Variants in PDE7B observed in about 807,000 individuals in gnomAD.
The protein encoded by PDE7B is 3',5'-cyclic-AMP phosphodiesterase 7B.
In PDE7B, 29 loss-of-function variants were observed where a neutral mutation model predicts 56.2. The observed-to-expected ratio is 0.52, with a 90% CI of 0.38 to 0.70. The LOEUF (loss-of-function observed/expected upper bound fraction) is 0.70. PDE7B is among the 30% of genes least tolerant of loss of function. The pLI is 0.00. For missense variants in PDE7B, 490 were observed against 565.0 expected (o/e 0.87, Z 1.35); for synonymous variants, 197 against 196.9 (o/e 1.00, Z 0.00).
intron 1 of PDE7B, among the ~76,000 whole-genome samples, chr6:135,935,186 T>TTATATATATATA (rs1368098258): frequency 1.6e-4 from 6 of 38,448 alleles, no homozygotes; most frequent in African/African-American, 8.9e-4. Flanking sequence ...ATATATATAT[T>TTATATATATATA]TATTTATATA....
chr6:136,178,032 CCATAT>C (rs1455873895), intron 9 of PDE7B, among the ~76,000 whole-genome samples: 3 of 152,132 alleles, frequency 2.0e-5, no homozygotes, highest in Non-Finnish European at 2.9e-5. Context: ...CTGATACATA[CCATAT>C]AACTTAAAGT....
At chr6:136,100,013 C>G (rs1158552246) in intron 2 of PDE7B, among the ~76,000 whole-genome samples, 1 of 152,164 alleles carries the variant, frequency 6.6e-6, no homozygotes, top group East Asian at 1.9e-4. Flanking sequence ...TTTCCCAGCA[C>G]TATTTATTAA....
At chr6:135,885,607 G>A (rs1292870904) in intron 1 of PDE7B, among the ~76,000 whole-genome samples, 1 of 152,140 alleles carries the variant, frequency 6.6e-6, no homozygotes, top group Non-Finnish European at 1.5e-5. Flanking sequence ...CTGCTATTAA[G>A]TGTAACCCCA....
chr6:136,110,808 G>T (rs1777735044), intron 3 of PDE7B, among the ~76,000 whole-genome samples: 1 of 149,168 alleles, frequency 6.7e-6, no homozygotes, highest in Non-Finnish European at 1.5e-5. Flanking sequence ...GAAACTCATT[G>T]CAGATAATAA....
intron 2 of PDE7B, among the ~76,000 whole-genome samples, chr6:135,983,419 G>A (rs1360815260): frequency 1.3e-5 from 2 of 152,144 alleles, no homozygotes; most frequent in African/African-American, 4.8e-5. Flanking sequence ...TATCAGTTGA[G>A]TATTTTCATA....
chr6:135,883,266 A>G (rs919807882), intron 1 of PDE7B, among the ~76,000 whole-genome samples: 2 of 152,210 alleles, frequency 1.3e-5, no homozygotes, highest in Admixed American at 6.5e-5. Context: ...TAGGTGTCCT[A>G]ACAGCTCTGT....
chr6:136,173,441 GC>G (rs1229015832), intron 8 of PDE7B, among the ~76,000 whole-genome samples: 1 of 152,194 alleles, frequency 6.6e-6, no homozygotes, highest in Non-Finnish European at 1.5e-5. Context: ...GGGAAAACTG[GC>G]TAGCCGTATG....
intron 1 of PDE7B, among the ~76,000 whole-genome samples, chr6:135,877,024 T>C (rs1231098196): frequency 6.6e-6 from 1 of 152,210 alleles, no homozygotes; most frequent in Admixed American, 6.5e-5. Context: ...ATTTGCGTTT[T>C]CATCTTTAAT....
intron 1 of PDE7B, among the ~76,000 whole-genome samples, chr6:135,880,280 A>T (rs1366144125): frequency 6.6e-6 from 1 of 152,178 alleles, no homozygotes; most frequent in Non-Finnish European, 1.5e-5. Flanking sequence ...AACTCAGGGA[A>T]GTCTCCGCTT....
At chr6:136,037,400 T>C (rs1776341681) in intron 2 of PDE7B, 12 of 984,440 alleles carry the variant, frequency 1.2e-5, no homozygotes, top group South Asian at 4.7e-5. Context: ...ATTTGACTAA[T>C]AGGTCATAAC....
chr6:135,859,086 C>T (rs1001762528), intron 1 of PDE7B, among the ~76,000 whole-genome samples: 1 of 151,856 alleles, frequency 6.6e-6, no homozygotes, highest in African/African-American at 2.4e-5. Flanking sequence ...CCTTCATTTC[C>T]CTTTCTCATT....
chr6:135,948,318 A>G lies in PDE7B; in HGVS notation c.82+794A>G, dbSNP rs573402448. Among the ~76,000 whole-genome samples the G allele has an allele frequency of 1.2e-4, 18 of 152,152 alleles. No homozygotes were observed. In the East Asian group the frequency reaches 3.1e-3, roughly 26 times the overall value. ...AGTAAACAGTAGCATGGATAAATAA[A>G]AATAATTTCTAAATTTTATTTTCAC... On this transcript the variant is annotated intron_variant, in intron 2 of 12. Coordinates refer to ENST00000308191, the MANE Select transcript of PDE7B (RefSeq NM_018945.4).
chr6:136,143,515 A>T (rs151250087), intron 3 of PDE7B, among the ~76,000 whole-genome samples: 32 of 152,254 alleles, frequency 2.1e-4, no homozygotes, highest in African/African-American at 7.0e-4. Context: ...AACCAAAAAA[A>T]GTCATGAGAA....
At chr6:136,115,415 A>G (rs1004257291) in intron 3 of PDE7B, among the ~76,000 whole-genome samples, 11 of 152,160 alleles carry the variant, frequency 7.2e-5, no homozygotes, top group African/African-American at 2.7e-4. Context: ...ACGCTTTAAG[A>G]CTTAAGAAAC....
chr6:135,943,224 T>G (rs1157122045), intron 1 of PDE7B, among the ~76,000 whole-genome samples: 1 of 152,190 alleles, frequency 6.6e-6, no homozygotes, highest in Non-Finnish European at 1.5e-5. Context: ...CATAATGAAG[T>G]AAAAACTAAG....
intron 2 of PDE7B, among the ~76,000 whole-genome samples, chr6:136,056,031 A>G (rs1030728006): frequency 1.8e-4 from 28 of 152,314 alleles, no homozygotes; most frequent in Non-Finnish European, 1.5e-4. Flanking sequence ...TCAGAAAGGA[A>G]AAAGAAGACG....
chr6:136,082,876 C>T (rs909074223), intron 2 of PDE7B, among the ~76,000 whole-genome samples: 4 of 151,998 alleles, frequency 2.6e-5, no homozygotes, highest in African/African-American at 7.3e-5. Context: ...CAACAGAGGG[C>T]GATGTGAGAC....
intron 1 of PDE7B, among the ~76,000 whole-genome samples, chr6:135,944,595 C>G (rs1015170150): frequency 2.1e-4 from 32 of 152,276 alleles, no homozygotes; most frequent in African/African-American, 7.5e-4. Context: ...GGCCACCACA[C>G]CTGTTCTTGC....
intron 12 of PDE7B, among the ~76,000 whole-genome samples, chr6:136,187,533 C>T (rs1583933430): frequency 6.6e-6 from 1 of 152,150 alleles, no homozygotes; most frequent in African/African-American, 2.4e-5. Flanking sequence ...CTCCCAAGAA[C>T]CCAATCTCTA....
Sources: gnomAD v4.1 joint callset for allele counts (sites outside exome capture counted in the v4.1 genomes callset) on GRCh38, gnomAD v4.1.1 for gene constraint, MANE v1.5 for transcripts, NCBI Gene and HGNC (gene_info 2026-07-23, HGNC 2026-07-21) for gene names.